CHST8: variants seen among roughly 807,000 people sequenced by gnomAD.
CHST8 encodes the protein GALNAC-4-ST1.
CHST8 carries 10 observed loss-of-function variants against 15.0 expected under a neutral mutation model. The observed-to-expected ratio is 0.67, with a 90% CI of 0.41 to 1.13. CHST8 has a LOEUF of 1.13. Ranked by LOEUF, CHST8 falls within the 50% of genes most tolerant of loss-of-function variation. The pLI is 0.00. For synonymous variants in CHST8, 259 were observed against 256.6 expected, an observed-to-expected ratio of 1.01 and a Z score of -0.09; for missense variants, 634 against 608.2, an observed-to-expected ratio of 1.04 and a Z score of -0.45.
At chr19:33,742,358 C>A (rs1452808125) in intron 3 of CHST8, among the ~76,000 whole-genome samples, 1 of 152,182 alleles carries the variant, frequency 6.6e-6, no homozygotes, top group Non-Finnish European at 1.5e-5. Flanking sequence ...ACAAGCGTGG[C>A]ACCAACATCT....
intron 3 of CHST8, among the ~76,000 whole-genome samples, chr19:33,709,218 T>C (rs1386823324): frequency 6.6e-6 from 1 of 152,232 alleles, no homozygotes; most frequent in Non-Finnish European, 1.5e-5. Context: ...TTCTTTTTCC[T>C]GCCTGATTCA....
At chr19:33,763,335 A>G (rs1448132097) in intron 3 of CHST8, among the ~76,000 whole-genome samples, 2 of 152,172 alleles carry the variant, frequency 1.3e-5, no homozygotes, top group Non-Finnish European at 2.9e-5. Context: ...GAAGCCCCCC[A>G]CCCAGAGGCC....
At position 33,687,968 on chromosome 19, in the gene CHST8, G is replaced by A. The variant is rs1348025114; in HGVS notation, c.-86-1208G>A. Among the ~76,000 whole-genome samples the A allele has an allele frequency of 5.9e-5, 9 of 152,312 alleles. No homozygotes were observed. In the East Asian group the frequency reaches 1.7e-3, roughly 30 times the overall value. ...GAGGCTACTGGGAGCTGCCTACCTG[G>A]CCTCACCTCCCTCAGGCACTGACCT... On this transcript the variant is annotated intron_variant, in intron 2 of 4. Transcript: ENST00000650847.
chr19:33,670,292 T>C (rs1972720840), intron 2 of CHST8, among the ~76,000 whole-genome samples: 1 of 152,228 alleles, frequency 6.6e-6, no homozygotes, highest in Non-Finnish European at 1.5e-5. Context: ...CACTGGGTTC[T>C]TCTGATATGA....
intron 3 of CHST8, among the ~76,000 whole-genome samples, chr19:33,747,560 TAC>T (rs561293804): frequency 2.7e-5 from 4 of 150,932 alleles, no homozygotes; most frequent in East Asian, 1.9e-4. Flanking sequence ...CACACACACA[TAC>T]ACACACACAC....
intron 1 of CHST8, among the ~76,000 whole-genome samples, chr19:33,653,072 T>C (rs1011620386): frequency 1.3e-5 from 2 of 152,212 alleles, no homozygotes; most frequent in Admixed American, 1.3e-4. Context: ...TACAGCTGTT[T>C]ACCAGTTTCT....
chr19:33,698,879 A>G (rs1204185075), intron 3 of CHST8, among the ~76,000 whole-genome samples: 1 of 152,128 alleles, frequency 6.6e-6, no homozygotes, highest in Non-Finnish European at 1.5e-5. Context: ...ACAGGTCGAC[A>G]CACTCACTCC....
chr19:33,745,548 G>T (rs1974299046), intron 3 of CHST8, among the ~76,000 whole-genome samples: 1 of 152,200 alleles, frequency 6.6e-6, no homozygotes, highest in African/African-American at 2.4e-5. Flanking sequence ...TGACTGTCGG[G>T]TTCCTGGGAA....
intron 3 of CHST8, among the ~76,000 whole-genome samples, chr19:33,759,785 G>A (rs1338451927): frequency 6.6e-6 from 1 of 152,220 alleles, no homozygotes; most frequent in Non-Finnish European, 1.5e-5. Context: ...TCCCTCTGCA[G>A]TCAGCCAGTC....
intron 1 of CHST8, among the ~76,000 whole-genome samples, chr19:33,649,878 T>C (rs1053721262): frequency 6.6e-6 from 1 of 152,160 alleles, no homozygotes; most frequent in Non-Finnish European, 1.5e-5. Context: ...AAGCTGCAAT[T>C]GTTTCAGTAT....
At chr19:33,641,681 T>C (rs1972285792) in intron 1 of CHST8, among the ~76,000 whole-genome samples, 1 of 150,760 alleles carries the variant, frequency 6.6e-6, no homozygotes, top group Admixed American at 6.6e-5. Flanking sequence ...GGGTGGAAAA[T>C]TTAGCTACCC....
At chr19:33,716,596 G>A (rs1342393439) in intron 3 of CHST8, among the ~76,000 whole-genome samples, 1 of 152,122 alleles carries the variant, frequency 6.6e-6, no homozygotes, top group Non-Finnish European at 1.5e-5. Flanking sequence ...TCGAACTCCT[G>A]GGCTGAAGCG....
chr19:33,682,187 GTT>G (rs869056900), intron 2 of CHST8, among the ~76,000 whole-genome samples: 13,031 of 94,568 alleles, frequency 0.14, 459 homozygotes, highest in Admixed American at 0.18. Context: ...TTTTGTTGTT[GTT>G]TTTTTTTTTT....
chr19:33,746,438 C>T (rs1414098749), intron 3 of CHST8, among the ~76,000 whole-genome samples: 2 of 152,170 alleles, frequency 1.3e-5, no homozygotes, highest in East Asian at 3.8e-4. Context: ...TAAGTGAGAT[C>T]CTACAGTGTG....
intron 1 of CHST8, among the ~76,000 whole-genome samples, chr19:33,629,851 G>C (rs1317192344): frequency 6.6e-6 from 1 of 152,248 alleles, no homozygotes; most frequent in East Asian, 1.9e-4. Flanking sequence ...CTTGCCCAGA[G>C]GGCGGCCTCT....
At chr19:33,754,205 C>G (rs1226746073) in intron 3 of CHST8, among the ~76,000 whole-genome samples, 9 of 148,862 alleles carry the variant, frequency 6.0e-5, no homozygotes, top group Non-Finnish European at 3.0e-5. Context: ...GGAAGACACC[C>G]TTGTGTGGTA....
chr19:33,654,133 C>G (rs1401620662), intron 1 of CHST8, among the ~76,000 whole-genome samples: 1 of 152,186 alleles, frequency 6.6e-6, no homozygotes, highest in Non-Finnish European at 1.5e-5. Flanking sequence ...GAAATCCTAG[C>G]AATGAGTTTT....
intron 3 of CHST8, among the ~76,000 whole-genome samples, chr19:33,700,685 C>T (rs564074420): frequency 6.6e-6 from 1 of 152,328 alleles, no homozygotes; most frequent in African/African-American, 2.4e-5. Flanking sequence ...CGTGGGGGTT[C>T]CTCCTAGGCC....
At chr19:33,768,195 C>A (rs1264058086) in intron 3 of CHST8, among the ~76,000 whole-genome samples, 1 of 152,176 alleles carries the variant, frequency 6.6e-6, no homozygotes, top group Non-Finnish European at 1.5e-5. Flanking sequence ...CATGGAAGAG[C>A]AGTTTTCTTC....
Sources: allele counts gnomAD v4.1 joint callset (sites outside exome capture counted in the v4.1 genomes callset), GRCh38; gene constraint gnomAD v4.1.1; transcripts MANE v1.5; gene names NCBI Gene and HGNC (gene_info 2026-07-23, HGNC 2026-07-21).